DENND2A: variants seen among roughly 807,000 people sequenced by gnomAD.
DENND2A encodes the protein DENN domain containing 2A, also known as DENN domain-containing protein 2A.
DENND2A carries 53 observed loss-of-function variants against 105.3 expected under a neutral mutation model. The ratio of observed to expected loss-of-function variants is 0.50; its 90% confidence interval spans 0.40 to 0.63. The LOEUF is 0.63. Ranked by LOEUF, DENND2A falls within the 30% of genes least tolerant of loss-of-function variation. The pLI is 0.00. For missense variants in DENND2A, 1,138 were observed against 1,279.6 expected (o/e 0.89, Z 1.69); for synonymous variants, 522 against 508.4 (o/e 1.03, Z -0.36).
At chr7:140,623,720 G>GA (rs34329204) in intron 1 of DENND2A, among the ~76,000 whole-genome samples, 37,099 of 121,752 alleles carry the variant, frequency 0.3, 6,022 homozygotes, top group African/African-American at 0.5. Flanking sequence ...ACTCCGTCTA[G>GA]AAAAAAAAAA....
At chr7:140,571,364 G>A (rs1798090045) in intron 6 of DENND2A, among the ~76,000 whole-genome samples, 3 of 152,072 alleles carry the variant, frequency 2.0e-5, no homozygotes, top group African/African-American at 7.2e-5. Flanking sequence ...GTTTCAACAT[G>A]TTGGCCAGGC....
intron 1 of DENND2A, among the ~76,000 whole-genome samples, chr7:140,627,411 C>A (rs1055115531): frequency 1.3e-5 from 2 of 152,042 alleles, no homozygotes; most frequent in Non-Finnish European, 2.9e-5. Context: ...GACGGGGTTT[C>A]ACCATGTTGG....
chr7:140,544,824 C>T, intron 13 of DENND2A, 58 bp from the exon 14 acceptor site: 1 of 1,548,498 alleles, frequency 6.5e-7, no homozygotes, highest in Non-Finnish European at 8.7e-7. Context: ...CCAGGCCTCT[C>T]ACGGGTGTCG....
At chr7:140,629,044 C>G (rs1404809271) in intron 1 of DENND2A, among the ~76,000 whole-genome samples, 1 of 152,098 alleles carries the variant, frequency 6.6e-6, no homozygotes, top group South Asian at 2.1e-4. Context: ...TTGTTCAAAA[C>G]GGAAAGACAA....
At chr7:140,588,103 G>A (rs1798862941) in intron 3 of DENND2A, among the ~76,000 whole-genome samples, 1 of 152,120 alleles carries the variant, frequency 6.6e-6, no homozygotes, top group Non-Finnish European at 1.5e-5. Flanking sequence ...TAGAGACAAA[G>A]TTTCACTGTG....
At chr7:140,525,931 A>G (rs1447246835) in intron 15 of DENND2A, 139 bp from the exon 16 acceptor site, 1 of 598,832 alleles carries the variant, frequency 1.7e-6, no homozygotes, top group Admixed American at 3.5e-5. Context: ...GTTTCCTGAC[A>G]TTGCCACGGT....
At chr7:140,569,477 C>T (rs570476108) in intron 7 of DENND2A, among the ~76,000 whole-genome samples, 168 bp downstream of exon 7, 28 of 152,278 alleles carry the variant, frequency 1.8e-4, no homozygotes, top group Non-Finnish European at 3.2e-4. Flanking sequence ...CATGCTGCCC[C>T]GGCTGAGCTC....
At chr7:140,558,357 C>T in intron 10 of DENND2A, 145 bp from the exon 11 acceptor site, 2 of 601,168 alleles carry the variant, frequency 3.3e-6, no homozygotes, top group Non-Finnish European at 6.0e-6. Flanking sequence ...CCACCTGTCC[C>T]TGTCCATGCT....
chr7:140,565,505 C>T lies in DENND2A; in HGVS notation c.1779+1581G>A, dbSNP rs373413412. ...GAACTGAATTAGAATATGGTGGAAC[C>T]TCTTTAATACTGATGTCAAAGCCTA... On this transcript the variant is annotated intron_variant, in intron 9 of 19. Transcript: ENST00000496613. Among the ~76,000 whole-genome samples the T allele has an allele frequency of 2.0e-5, 3 of 152,206 alleles. No homozygotes were observed. The East Asian group carries it at 5.8e-4, about 29-fold the overall frequency.
chr7:140,621,246 A>C (rs1213225659), intron 1 of DENND2A, among the ~76,000 whole-genome samples: 1 of 151,650 alleles, frequency 6.6e-6, no homozygotes, highest in Non-Finnish European at 1.5e-5. Flanking sequence ...TGTTGCCCAG[A>C]CTGGTCTTGA....
At chr7:140,562,447 G>T (rs925832622) in intron 9 of DENND2A, among the ~76,000 whole-genome samples, 8 of 151,936 alleles carry the variant, frequency 5.3e-5, no homozygotes, top group Non-Finnish European at 4.4e-5. Flanking sequence ...GGATCACGAG[G>T]TCTGGAGATC....
chr7:140,608,675 TA>T (rs11358052), intron 1 of DENND2A, among the ~76,000 whole-genome samples: 9,118 of 137,008 alleles, frequency 0.067, 388 homozygotes, highest in African/African-American at 0.15. Context: ...GACTCTGTCT[TA>T]AAAAAAAAAA....
intron 3 of DENND2A, among the ~76,000 whole-genome samples, chr7:140,592,996 AGAAATGT>A (rs1391524484): frequency 2.0e-5 from 3 of 152,220 alleles, no homozygotes; most frequent in Non-Finnish European, 4.4e-5. Context: ...CCTGAAGAGG[AGAAATGT>A]GATCACACCA....
At chr7:140,560,233 C>T (rs941356224) in intron 9 of DENND2A, among the ~76,000 whole-genome samples, 8 of 152,144 alleles carry the variant, frequency 5.3e-5, no homozygotes, top group Non-Finnish European at 4.4e-5. Context: ...TTACAACATT[C>T]TCAGTGAATA....
chr7:140,622,417 G>A (rs1208297635), intron 1 of DENND2A, among the ~76,000 whole-genome samples: 4 of 151,938 alleles, frequency 2.6e-5, no homozygotes, highest in African/African-American at 9.7e-5. Flanking sequence ...AATTAATTTT[G>A]AAATAATTTC....
At chr7:140,551,313 A>AG (rs1215304963) in intron 12 of DENND2A, among the ~76,000 whole-genome samples, 1 of 151,414 alleles carries the variant, frequency 6.6e-6, no homozygotes, top group Non-Finnish European at 1.5e-5. Context: ...AAAAAAAAAA[A>AG]AAAAAAAAAG....
In DENND2A at chr7:140,559,700, G is replaced by T; in HGVS notation, c.1889+8C>A. The T allele has an allele frequency of 6.2e-7, 1 of 1,609,694 alleles. No individual in the cohort carries two copies. The highest frequency in any genetic ancestry group is 1.7e-4 in the Middle Eastern group (1 of 6,054). On this transcript the variant is annotated splice_region_variant and intron_variant, in intron 10 of 19. Coordinates refer to ENST00000496613, the MANE Select transcript of DENND2A (RefSeq NM_015689.5). The surrounding 1 kb of genome is among the most constrained non-coding windows in gnomAD (Gnocchi z 4.1). The stretch of plus-strand genomic sequence containing the variant: ...TTGGGGCTGCGAAGGGGAGAAGCCA[G>T]CTCGTACCTGGTGAACTGCTGGACA...
chr7:140,518,783 A>AG, intron 19 of DENND2A, 45 bp from the exon 20 acceptor site: 2 of 1,601,318 alleles, frequency 1.2e-6, no homozygotes, highest in Non-Finnish European at 1.7e-6. Flanking sequence ...CAGACAAAGG[A>AG]GGGTGAGATA....
chr7:140,574,618 C>CT (rs1798228946), intron 5 of DENND2A, among the ~76,000 whole-genome samples: 1 of 152,246 alleles, frequency 6.6e-6, no homozygotes, highest in African/African-American at 2.4e-5. Flanking sequence ...CTAGGGGTTA[C>CT]AAGGCCTAAG....
Sources: allele counts gnomAD v4.1 joint callset (sites outside exome capture counted in the v4.1 genomes callset), GRCh38; gene constraint gnomAD v4.1.1; non-coding constraint Gnocchi (gnomAD v3.1); transcripts MANE v1.5; gene names NCBI Gene and HGNC (gene_info 2026-07-23, HGNC 2026-07-21).